Variants in GRXCR2 observed in about 807,000 individuals in gnomAD.
The protein encoded by GRXCR2 is glutaredoxin and cysteine rich domain containing 2.
In GRXCR2, 23 loss-of-function variants were observed where a neutral mutation model predicts 24.8. That is an observed-to-expected ratio of 0.93 (90% CI 0.67 to 1.32). The LOEUF is 1.32. Ranked by LOEUF, GRXCR2 falls within the 40% of genes most tolerant of loss-of-function variation. The probability of loss-of-function intolerance (pLI) is 0.00; values close to 1 mark genes in which losing one functional copy is unlikely to be tolerated. For missense variants in GRXCR2, 315 were observed against 303.4 expected (o/e 1.04, Z -0.28); for synonymous variants, 130 against 116.1 (o/e 1.12, Z -0.77).
chr5:145,905,266 G>C (rs1031769944), intron 2 of GRXCR2, among the ~76,000 whole-genome samples: 1 of 152,146 alleles, frequency 6.6e-6, no homozygotes, highest in Non-Finnish European at 1.5e-5. Flanking sequence ...TAGCTTATCA[G>C]AGATTCTGTT....
At chr5:145,866,134 CAAAAAAAAA>C (rs71581841) in intron 2 of GRXCR2, among the ~76,000 whole-genome samples, 1 of 85,832 alleles carries the variant, frequency 1.2e-5, no homozygotes, top group Non-Finnish European at 2.8e-5. Flanking sequence ...AACTCCTTCT[CAAAAAAAAA>C]AAAAAAAAGA....
At chr5:145,899,552 A>G (rs1756997408) in intron 2 of GRXCR2, among the ~76,000 whole-genome samples, 1 of 152,180 alleles carries the variant, frequency 6.6e-6, no homozygotes. Context: ...TACTGATACA[A>G]AAACAGATAC....
intron 2 of GRXCR2, among the ~76,000 whole-genome samples, chr5:145,861,727 C>A (rs1390062521): frequency 6.6e-6 from 1 of 152,160 alleles, no homozygotes; most frequent in East Asian, 1.9e-4. Flanking sequence ...CCTTCCTGTT[C>A]TTAAATTCTA....
At chr5:145,906,806 G>A (rs2149924190) in intron 2 of GRXCR2, among the ~76,000 whole-genome samples, 1 of 152,342 alleles carries the variant, frequency 6.6e-6, no homozygotes. Flanking sequence ...TTTAGTTGAA[G>A]TTGTGGGGGA....
At chr5:145,904,313 T>C (rs1312091536) in intron 2 of GRXCR2, among the ~76,000 whole-genome samples, 2 of 152,138 alleles carry the variant, frequency 1.3e-5, no homozygotes, top group African/African-American at 4.8e-5. Context: ...AGATCCAGAG[T>C]AGGGCCCACA....
Position 145,866,594 on chromosome 5 carries a change from C to T in GRXCR2, c.471G>A (p.Leu157=), listed in dbSNP as rs1041061849. ...QKEEEAEEES[L]MNKEESYGGR... The stretch of plus-strand genomic sequence containing the variant: ...CTCCATAGCTTTCTTCTTTGTTCAT[C>T]AGAGACTCTTCCTCAGCCTCCTCTT... The change falls in exon 2 of 3, where the codon CTG becomes CTA. Residue 157 remains leucine (L), a synonymous_variant. Transcript: ENST00000377976. The T allele has an allele frequency of 6.2e-7, 1 of 1,614,150 alleles. No homozygotes were observed. The highest frequency in any genetic ancestry group is 8.5e-7 in the Non-Finnish European group (1 of 1,179,998).
chr5:145,869,244 C>T (rs552080008), intron 1 of GRXCR2, among the ~76,000 whole-genome samples: 2 of 152,126 alleles, frequency 1.3e-5, no homozygotes, highest in South Asian at 2.1e-4. Flanking sequence ...TATGAACTTC[C>T]GTTTTTCCAA....
chr5:145,887,832 G>A (rs1300328389), intron 2 of GRXCR2, among the ~76,000 whole-genome samples: 1 of 152,156 alleles, frequency 6.6e-6, no homozygotes, highest in Non-Finnish European at 1.5e-5. Flanking sequence ...AACTGTTTCA[G>A]AAAGCGTTTG....
chr5:145,879,082 CA>C (rs2149914654), intron 2 of GRXCR2, among the ~76,000 whole-genome samples: 1 of 152,234 alleles, frequency 6.6e-6, no homozygotes, highest in South Asian at 2.1e-4. Context: ...CCAGCCCCTG[CA>C]AAAACATGCC....
chr5:145,930,120 TG>T (rs1359283802), intron 2 of GRXCR2, among the ~76,000 whole-genome samples: 2 of 152,164 alleles, frequency 1.3e-5, no homozygotes, highest in African/African-American at 2.4e-5. Flanking sequence ...AGTCTTGCTT[TG>T]TCACCCAGGC....
chr5:145,927,362 G>C (rs1039008638), intron 2 of GRXCR2, among the ~76,000 whole-genome samples: 6 of 152,000 alleles, frequency 3.9e-5, no homozygotes, highest in Admixed American at 2.6e-4. Flanking sequence ...ATTGGCTGTG[G>C]GTTTGTCATA....
intron 2 of GRXCR2, among the ~76,000 whole-genome samples, chr5:145,907,706 G>C (rs146238172): frequency 6.6e-6 from 1 of 152,092 alleles, no homozygotes; most frequent in Non-Finnish European, 1.5e-5. Flanking sequence ...TGGTGAATCC[G>C]ACACGGGGTC....
chr5:145,921,697 T>C (rs1023840406), intron 2 of GRXCR2, among the ~76,000 whole-genome samples: 1 of 152,080 alleles, frequency 6.6e-6, no homozygotes, highest in Non-Finnish European at 1.5e-5. Context: ...CCAAAATACA[T>C]ACACACCCTT....
At chr5:145,900,963 A>G (rs1243598816) in intron 2 of GRXCR2, among the ~76,000 whole-genome samples, 2 of 152,184 alleles carry the variant, frequency 1.3e-5, no homozygotes, top group Non-Finnish European at 2.9e-5. Flanking sequence ...TGCAGCCATA[A>G]AAAAGAACCA....
chr5:145,889,228 GA>G (rs1561683183), intron 2 of GRXCR2, among the ~76,000 whole-genome samples: 1 of 150,446 alleles, frequency 6.6e-6, no homozygotes, highest in Non-Finnish European at 1.5e-5. Context: ...AAGAAAGAAA[GA>G]AAGAAAGAAA....
chr5:145,896,364 A>C (rs536902180), intron 2 of GRXCR2, among the ~76,000 whole-genome samples: 240 of 152,336 alleles, frequency 1.6e-3, no homozygotes, highest in African/African-American at 5.5e-3. Flanking sequence ...AATGGGAGAA[A>C]ATTTTTGCAA....
Position 145,924,287 on chromosome 5 carries a change from G to A in GRXCR2, c.-70+11414C>T, listed in dbSNP as rs558711377. Among the ~76,000 whole-genome samples, 524 of 152,274 alleles carry A rather than the reference G, an allele frequency of 3.4e-3. 1 individual carries two copies. The highest frequency in any genetic ancestry group is 5.3e-3 in the Non-Finnish European group (362 of 68,010). On this transcript the variant is annotated intron_variant, in intron 2 of 3. Coordinates refer to the GRXCR2 transcript ENST00000639411. The stretch of plus-strand genomic sequence containing the variant: ...ATCATAATAAATTGAGCATAAAAAC[G>A]AAATGAGATAATTCTGGTTATATTA...
In GRXCR2 at chr5:145,903,441, C is replaced by T. The variant is rs376939127; in HGVS notation, c.-70+32260G>A. On this transcript the variant is annotated intron_variant, in intron 2 of 3. Transcript: ENST00000639411. ...TCAGTTGCTTCCCTATCTGTCTTCCCCAAAACTTACTCCCTATCCTTCATC... is the reference window on the plus strand; with the variant it reads ...TCAGTTGCTTCCCTATCTGTCTTCCTCAAAACTTACTCCCTATCCTTCATC... Among the ~76,000 whole-genome samples, 239 of 152,062 alleles carry T rather than the reference C, an allele frequency of 1.6e-3. 3 individuals are homozygous for T. In the South Asian group the frequency reaches 0.017, roughly 11 times the overall value.
upstream of GRXCR2, among the ~76,000 whole-genome samples, chr5:145,875,399 A>C (rs1327799234): frequency 2.0e-5 from 3 of 152,160 alleles, no homozygotes; most frequent in African/African-American, 7.2e-5. Flanking sequence ...AAATACAAAA[A>C]TTAGCAGGGT....
Sources: gnomAD v4.1 joint callset for allele counts (sites outside exome capture counted in the v4.1 genomes callset) on GRCh38, gnomAD v4.1.1 for gene constraint, MANE v1.5 for transcripts, NCBI Gene and HGNC (gene_info 2026-07-23, HGNC 2026-07-21) for gene names.